Variants in UBA2 observed in about 807,000 individuals in gnomAD.
UBA2 encodes the protein SUMO-activating enzyme subunit 2.
Under a neutral mutation model 77.2 loss-of-function variants are expected in UBA2, and 11 were observed. The ratio of observed to expected loss-of-function variants is 0.14; its 90% CI spans 0.09 to 0.24. The LOEUF (loss-of-function observed/expected upper bound fraction) is 0.24. UBA2 is among the 10% of genes least tolerant of loss of function. The probability of loss-of-function intolerance (pLI) is 1.00; values close to 1 mark genes in which losing one functional copy is unlikely to be tolerated. For missense variants in UBA2, 487 were observed against 781.7 expected (o/e 0.62, Z 4.50); for synonymous variants, 278 against 276.7 (o/e 1.00, Z -0.05).
Position 34,459,166 on chromosome 19 carries a change from A to G in UBA2, c.1401+242A>G, listed in dbSNP as rs1883352388. On this transcript the variant is annotated intron_variant, in intron 13 of 16. Coordinates refer to ENST00000246548, the MANE Select transcript of UBA2 (RefSeq NM_005499.3). ...GGAATCTGCAGCACAGTGGTGGCAC[A>G]GTATCACAGCAAGCAGAGGACTTCT... Among the ~76,000 whole-genome samples, 3 of 152,192 alleles carry G rather than the reference A, an allele frequency of 2.0e-5. No individual in the cohort carries two copies. In the South Asian group the frequency reaches 6.2e-4, roughly 32 times the overall value.
intron 8 of UBA2, among the ~76,000 whole-genome samples, chr19:34,447,398 G>T (rs554251409): frequency 2.4e-4 from 36 of 152,304 alleles, no homozygotes; most frequent in African/African-American, 8.7e-4. Flanking sequence ...TTGACACTCA[G>T]TATTAAGCAT....
chr19:34,434,754 AG>A (rs2075291151), intron 4 of UBA2, 113 bp from the exon 5 acceptor site: 5 of 765,428 alleles, frequency 6.5e-6, no homozygotes, highest in Non-Finnish European at 1.1e-5. Context: ...CATAGCTATA[AG>A]AAAATTGTAC....
At chr19:34,456,277 G>A (rs918818208) in intron 12 of UBA2, among the ~76,000 whole-genome samples, 11 of 151,208 alleles carry the variant, frequency 7.3e-5, no homozygotes, top group African/African-American at 2.2e-4. Context: ...ACCACACCTG[G>A]CTAATTTTTG....
intron 12 of UBA2, among the ~76,000 whole-genome samples, chr19:34,457,529 A>T (rs138962295): frequency 6.6e-6 from 1 of 152,274 alleles, no homozygotes; most frequent in Non-Finnish European, 1.5e-5. Flanking sequence ...CCAAAATCAA[A>T]CAAATCTTTC....
At chr19:34,457,179 A>AAAAAATATATAT (rs1262007864) in intron 12 of UBA2, among the ~76,000 whole-genome samples, 1 of 53,224 alleles carries the variant, frequency 1.9e-5, no homozygotes, top group African/African-American at 1.2e-4. Flanking sequence ...AAAAAAAAAA[A>AAAAAATATATAT]ATATATATAT....
At chr19:34,452,838 T>C (rs550310618) in intron 10 of UBA2, among the ~76,000 whole-genome samples, 2 of 152,370 alleles carry the variant, frequency 1.3e-5, no homozygotes, top group East Asian at 1.9e-4. Context: ...TTTGAAACTT[T>C]GGTTGAATCA....
intron 1 of UBA2, 66 bp downstream of exon 1, chr19:34,428,636 G>A: frequency 8.0e-7 from 1 of 1,247,620 alleles, no homozygotes; most frequent in Non-Finnish European, 1.0e-6. Context: ...CGGGGGTTCC[G>A]GGGCTCCAGG....
chr19:34,459,864 A>G (rs945964849), intron 13 of UBA2, among the ~76,000 whole-genome samples: 3 of 152,214 alleles, frequency 2.0e-5, no homozygotes, highest in Non-Finnish European at 2.9e-5. Context: ...TTGGTCAAGG[A>G]AGTGGCAGGT....
At chr19:34,432,305 T>C (rs1324578660) in intron 3 of UBA2, among the ~76,000 whole-genome samples, 2 of 152,226 alleles carry the variant, frequency 1.3e-5, no homozygotes, top group Non-Finnish European at 2.9e-5. Context: ...GTAGTATGAC[T>C]CTGACTTCTG....
intron 8 of UBA2, among the ~76,000 whole-genome samples, chr19:34,449,036 T>C (rs1209987618): frequency 6.6e-6 from 1 of 151,820 alleles, no homozygotes; most frequent in African/African-American, 2.4e-5. Context: ...AAGGAGACTC[T>C]TTCCTTATTT....
intron 8 of UBA2, among the ~76,000 whole-genome samples, chr19:34,446,665 A>G (rs1269732859): frequency 6.7e-6 from 1 of 148,566 alleles, no homozygotes; most frequent in Non-Finnish European, 1.5e-5. Flanking sequence ...GCTAGAGTGC[A>G]GTGGCATGAT....
At chr19:34,468,515 A>G (rs2075710017) in intron 16 of UBA2, among the ~76,000 whole-genome samples, 1 of 152,208 alleles carries the variant, frequency 6.6e-6, no homozygotes, top group Non-Finnish European at 1.5e-5. Context: ...CACCTTTAGT[A>G]TCAGTTCTGC....
chr19:34,437,771 GGGCTGGGCGCAGT>G (rs2075325679), intron 5 of UBA2, among the ~76,000 whole-genome samples: 1 of 151,626 alleles, frequency 6.6e-6, no homozygotes, highest in Admixed American at 6.6e-5. Flanking sequence ...TCAATAAAAT[GGGCTGGGCGCAGT>G]GGCTCACGCC....
At chr19:34,438,890 T>TATAA in intron 6 of UBA2, 124 bp downstream of exon 6, 1 of 1,300,718 alleles carries the variant, frequency 7.7e-7, no homozygotes, top group South Asian at 1.4e-5. Flanking sequence ...GATGCTTTAG[T>TATAA]AGCTTTCTTG....
At chr19:34,464,216 C>G in intron 15 of UBA2, 85 bp downstream of exon 15, 2 of 906,010 alleles carry the variant, frequency 2.2e-6, no homozygotes, top group Non-Finnish European at 3.5e-6. Context: ...TTTTCTTATC[C>G]TTAAACCCTG....
Position 34,457,874 on chromosome 19 carries a change from C to T in UBA2, c.1246-895C>T, listed in dbSNP as rs1401363410. Among the ~76,000 whole-genome samples the T allele has an allele frequency of 2.6e-5, 4 of 152,036 alleles. No individual in the cohort carries two copies. In the East Asian group the frequency reaches 7.7e-4, roughly 29 times the overall value. ...AATTTCAGTGTAATTTGTATATTTG[C>T]CTTGGTTCTTAATTATTTTTTTGTT... On this transcript the variant is annotated intron_variant, in intron 12 of 16. Coordinates refer to ENST00000246548, the MANE Select transcript of UBA2 (RefSeq NM_005499.3).
intron 2 of UBA2, among the ~76,000 whole-genome samples, chr19:34,430,969 G>T (rs78361048): frequency 2.6e-5 from 4 of 152,242 alleles, no homozygotes; most frequent in African/African-American, 7.2e-5. Flanking sequence ...ATGTTTGGGG[G>T]CTAGAGGAGC....
intron 4 of UBA2, 34 bp downstream of exon 4, chr19:34,433,446 A>G (rs2075276923): frequency 1.5e-6 from 2 of 1,344,018 alleles, no homozygotes; most frequent in South Asian, 1.2e-5. Context: ...ATTTCTCAGT[A>G]TTTCCTCTCT....
chr19:34,452,364 A>T (rs1487675870), intron 10 of UBA2, among the ~76,000 whole-genome samples: 1 of 152,200 alleles, frequency 6.6e-6, no homozygotes, highest in African/African-American at 2.4e-5. Context: ...GATTCTAGTG[A>T]TGTGTTCAGG....
Sources: gnomAD v4.1 joint callset for allele counts (sites outside exome capture counted in the v4.1 genomes callset) on GRCh38, gnomAD v4.1.1 for gene constraint, MANE v1.5 for transcripts, NCBI Gene and HGNC (gene_info 2026-07-23, HGNC 2026-07-21) for gene names.